The following ENDOD1 variants were observed in gnomAD, a reference collection of about 807,000 sequenced individuals.
ENDOD1 encodes endonuclease domain containing 1.
In ENDOD1, 9 loss-of-function variants were observed where a neutral mutation model predicts 6.5. The observed-to-expected ratio is 1.39, with a 90% CI of 0.84 to 2.43. The LOEUF (loss-of-function observed/expected upper bound fraction) is 2.43, where lower values mean the gene tolerates loss of function less well. Among genes scored for constraint, ENDOD1 ranks in the 30% most tolerant of loss-of-function variants. The pLI is 0.00. For missense variants in ENDOD1, 648 were observed against 635.5 expected (o/e 1.02, Z -0.21); for synonymous variants, 255 against 255.2 (o/e 1.00, Z 0.01).
chr11:95,118,469 A>G (rs80235313), intron 1 of ENDOD1, among the ~76,000 whole-genome samples: 4,585 of 152,280 alleles, frequency 0.03, 105 homozygotes, highest in Non-Finnish European at 0.044. Context: ...TCAGCACTCT[A>G]AATATGGAAT....
intron 1 of ENDOD1, among the ~76,000 whole-genome samples, chr11:95,119,481 C>T (rs1022356791): frequency 2.0e-5 from 3 of 152,208 alleles, no homozygotes; most frequent in African/African-American, 4.8e-5. Flanking sequence ...CAGGCAGAGT[C>T]TTTTGTTCTC....
Position 95,090,002 on chromosome 11 carries a change from C to T in ENDOD1, c.75C>T (p.Gly25=), listed in dbSNP as rs531415639. The change falls in exon 1 of 2, where the codon GGC becomes GGT. Residue 25 remains glycine (G), a synonymous_variant. Coordinates refer to ENST00000278505, the MANE Select transcript of ENDOD1 (RefSeq NM_015036.3). ...LAGLLEGRLV[G]EEEAGFGECD... is the part of the protein sequence containing the mutation. ...GGCTGCTGGAAGGCCGGCTCGTGGG[C>T]GAGGAGGAAGCCGGCTTTGGCGAAT... The T allele has an allele frequency of 1.3e-6, 2 of 1,569,084 alleles. No individual in the cohort carries two copies. Among genetic ancestry groups the T allele is most frequent in the East Asian group, 2.4e-5 (1 of 40,954 alleles).
At chr11:95,112,255 G>C (rs1859158613) in intron 1 of ENDOD1, among the ~76,000 whole-genome samples, 1 of 152,174 alleles carries the variant, frequency 6.6e-6, no homozygotes, top group Non-Finnish European at 1.5e-5. Context: ...TTATCCTCCT[G>C]TTCTCTCACA....
chr11:95,121,529 G>A (rs1465989068), intron 1 of ENDOD1, among the ~76,000 whole-genome samples: 1 of 152,090 alleles, frequency 6.6e-6, no homozygotes, highest in Non-Finnish European at 1.5e-5. Flanking sequence ...ACAATATTGT[G>A]GAATGGGTGA....
rs1238803586 is a variant in ENDOD1 at position 95,129,748 on chromosome 11, A to ATTC, written c.*169_*170insTTC. Reference sequence around the variant, plus strand: ...GCAGAATTTAGACTTGACAGAGGAGAAATGCTCAGGGTGAGATTAGGTGTA... The same window carrying ATTC: ...GCAGAATTTAGACTTGACAGAGGAGATTCAATGCTCAGGGTGAGATTAGGTGTA... On this transcript the variant is annotated 3_prime_UTR_variant, in exon 2 of 2. Transcript: ENST00000278505. 2 of 687,978 alleles carry ATTC rather than the reference A, an allele frequency of 2.9e-6. No homozygotes were observed. The highest frequency in any genetic ancestry group is 3.6e-5 in the African/African-American group (2 of 55,364). 42.6% of individuals were successfully genotyped at this position (687,978 alleles called of 1,614,324 possible).
rs559199048 is a variant in ENDOD1, at chr11:95,110,991, GT to G, written c.301-17384del. Among the ~76,000 whole-genome samples, 444 of 152,336 alleles carry G rather than the reference GT, an allele frequency of 2.9e-3. 2 individuals carry two copies. The highest frequency in any genetic ancestry group is 0.01 in the African/African-American group (417 of 41,576). On this transcript the variant is annotated intron_variant, in intron 1 of 1. Transcript: ENST00000278505. The stretch of plus-strand genomic sequence containing the variant: ...ATGACATGATTCTAGCTCTAGAGAA[GT>G]TGAGAAAAGAGTGCTTGGGCCAAAG...
At chr11:95,116,157 C>T (rs1487475307) in intron 1 of ENDOD1, among the ~76,000 whole-genome samples, 13 of 152,166 alleles carry the variant, frequency 8.5e-5, no homozygotes, top group South Asian at 2.1e-4. Flanking sequence ...ATTATAGCTT[C>T]GATCTCATTA....
At chr11:95,120,652 A>C (rs1241112550) in intron 1 of ENDOD1, among the ~76,000 whole-genome samples, 1 of 148,926 alleles carries the variant, frequency 6.7e-6, no homozygotes, top group Non-Finnish European at 1.5e-5. Flanking sequence ...TGATGCCAGC[A>C]CTCCCTTAGC....
chr11:95,098,363 C>G (rs1451672716), intron 1 of ENDOD1, among the ~76,000 whole-genome samples: 3 of 152,124 alleles, frequency 2.0e-5, no homozygotes, highest in Admixed American at 1.3e-4. Flanking sequence ...GCACACAAAA[C>G]AAACAAAAGG....
intron 1 of ENDOD1, among the ~76,000 whole-genome samples, chr11:95,107,913 C>T (rs1859106850): frequency 6.6e-6 from 1 of 151,922 alleles, no homozygotes; most frequent in East Asian, 1.9e-4. Context: ...GTGATCCGCC[C>T]GCCTTGGCTT....
At chr11:95,101,339 C>A (rs1419515780) in intron 1 of ENDOD1, among the ~76,000 whole-genome samples, 1 of 151,958 alleles carries the variant, frequency 6.6e-6, no homozygotes, top group Non-Finnish European at 1.5e-5. Context: ...AGTTTGTGAT[C>A]AAAAAAATGT....
intron 1 of ENDOD1, among the ~76,000 whole-genome samples, chr11:95,111,610 G>A (rs1859151330): frequency 6.6e-6 from 1 of 151,992 alleles, no homozygotes; most frequent in African/African-American, 2.4e-5. Flanking sequence ...CACATGTGCA[G>A]TTCACAATAA....
chr11:95,129,170 C>T lies in ENDOD1; in HGVS notation c.1094C>T (p.Thr365Ile), dbSNP rs1222876411. Reference protein sequence around the residue: ...KNIVYFLWCVTKQVINGIESC... With the variant: ...KNIVYFLWCVIKQVINGIESC... ...ATTGTCTATTTCCTGTGGTGTGTTA[C>T]CAAGCAGGTGATTAATGGCATAGAA... is the stretch of plus-strand genomic sequence containing the variant. The change falls in exon 2 of 2, where the codon ACC becomes ATC. Residue 365 changes from threonine to isoleucine, a missense_variant. Thr to Ile is a moderately conservative substitution (Grantham distance 89, BLOSUM62 -1). Coordinates refer to ENST00000278505, the MANE Select transcript of ENDOD1 (RefSeq NM_015036.3). The T allele has an allele frequency of 6.2e-7, 1 of 1,614,140 alleles. No individual in the cohort carries two copies. Among genetic ancestry groups the T allele is most frequent in the Non-Finnish European group, 8.5e-7 (1 of 1,180,022 alleles).
At position 95,128,678 on chromosome 11, in the gene ENDOD1, G is replaced by T. The variant is rs1859337197; in HGVS notation, c.602G>T (p.Gly201Val). Residue 201 changes from glycine (G) to valine (V), a missense_variant, in exon 2 of 2, where the codon GGC (glycine) becomes GTC (valine). By Grantham distance (109) the Gly-to-Val change is moderately radical (BLOSUM62 -3). Coordinates refer to ENST00000278505, the MANE Select transcript of ENDOD1 (RefSeq NM_015036.3). ...GGGGAAGACCTATATATCCTCACAG[G>T]CACAGTGCCCTCAGACTACAGAGTT... Reference protein sequence around the residue: ...GSGEDLYILTGTVPSDYRVKD... With the variant: ...GSGEDLYILTVTVPSDYRVKD... 1.2e-6 allele frequency: 2 copies of T among 1,614,020 alleles called. No homozygotes were observed. Among genetic ancestry groups the T allele is most frequent in the Non-Finnish European group, 1.7e-6 (2 of 1,180,044 alleles).
At position 95,129,244 on chromosome 11, in the gene ENDOD1, A is replaced by G. The variant is rs1358239595; in HGVS notation, c.1168A>G (p.Ile390Val). 1 of 1,614,094 alleles carries G rather than the reference A, an allele frequency of 6.2e-7. No individual in the cohort carries two copies. Among genetic ancestry groups the G allele is most frequent in the Admixed American group, 1.7e-5 (1 of 60,010 alleles). Reference sequence around the variant, plus strand: ...AGCCACCATCTCATACTTCATGGCCATTGGGGAAGAGTTGGTGAGCATTCC... The same window carrying G: ...AGCCACCATCTCATACTTCATGGCCGTTGGGGAAGAGTTGGTGAGCATTCC... The part of the protein sequence containing the change: ...GSATISYFMA[I>V]GEELVSIPWK... Residue 390 changes from isoleucine (I) to valine (V), a missense_variant, in exon 2 of 2, where the codon ATT becomes GTT. Ile to Val is a conservative substitution (Grantham distance 29). Transcript: ENST00000278505.
Position 95,090,058 on chromosome 11 carries a change from C to G in ENDOD1, c.131C>G (p.Pro44Arg). 1 of 1,603,172 alleles carries G rather than the reference C, an allele frequency of 6.2e-7. No homozygotes were observed. The highest frequency in any genetic ancestry group is 1.4e-5 in the African/African-American group (1 of 73,896). The change falls in exon 1 of 2, where the codon CCT becomes CGT. Residue 44 changes from proline (P) to arginine (R), a missense_variant. Coordinates refer to ENST00000278505, the MANE Select transcript of ENDOD1 (RefSeq NM_015036.3). Reference sequence around the variant, plus strand: ...AAGTTCTTCTACGCCGGGACCCCGCCTGCGGGGCTGGCGGCCGATTCCCAC... The same window carrying G: ...AAGTTCTTCTACGCCGGGACCCCGCGTGCGGGGCTGGCGGCCGATTCCCAC... ...CDKFFYAGTP[P>R]AGLAADSHVK...
chr11:95,108,936 G>A (rs1489589761), intron 1 of ENDOD1, among the ~76,000 whole-genome samples: 3 of 152,114 alleles, frequency 2.0e-5, no homozygotes, highest in Non-Finnish European at 2.9e-5. Flanking sequence ...CTGCACCCAC[G>A]ATCTTTTCTA....
chr11:95,113,044 T>C (rs1555112111), intron 1 of ENDOD1, among the ~76,000 whole-genome samples: 8 of 152,002 alleles, frequency 5.3e-5, no homozygotes, highest in Admixed American at 5.2e-4. Flanking sequence ...ATTTAAATTT[T>C]TTTGTGGGTA....
At chr11:95,106,810 G>A (rs1484143541) in intron 1 of ENDOD1, among the ~76,000 whole-genome samples, 9 of 141,784 alleles carry the variant, frequency 6.3e-5, no homozygotes, top group Non-Finnish European at 1.3e-4. Flanking sequence ...TCAGCGTGAG[G>A]TTCATAGACA....
Sources: allele counts gnomAD v4.1 joint callset (sites outside exome capture counted in the v4.1 genomes callset), GRCh38; gene constraint gnomAD v4.1.1; transcripts MANE v1.5; gene names NCBI Gene and HGNC (gene_info 2026-07-23, HGNC 2026-07-21).